CEP63: variants seen among roughly 807,000 people sequenced by gnomAD.
CEP63 encodes the protein centrosomal protein 63.
Under a neutral mutation model 89.1 loss-of-function variants are expected in CEP63, and 84 were observed. The ratio of observed to expected loss-of-function variants is 0.94; its 90% CI spans 0.79 to 1.13. The LOEUF (loss-of-function observed/expected upper bound fraction) is 1.13, where lower values mean the gene tolerates loss of function less well. Among genes scored for constraint, CEP63 ranks in the 50% most tolerant of loss-of-function variants. CEP63 has a pLI of 0.00. For synonymous variants in CEP63, 267 were observed against 272.5 expected (o/e 0.98, Z 0.20); for missense variants, 838 against 813.3 (o/e 1.03, Z -0.37).
intron 10 of CEP63, among the ~76,000 whole-genome samples, chr3:134,584,860 G>A (rs1958444824): frequency 6.6e-6 from 1 of 151,610 alleles, no homozygotes. Flanking sequence ...TCCAGAGCCT[G>A]TTATTGGTCT....
At chr3:134,643,365 C>G in the CEP63 span, 1 of 1,613,896 alleles carries the variant, frequency 6.2e-7, no homozygotes, top group Non-Finnish European at 8.5e-7. Context: ...GGTGCTGCTT[C>G]TCCACCAAGT....
At chr3:134,644,815 C>G in the CEP63 span, among the ~76,000 whole-genome samples, 2 of 152,250 alleles carry the variant, frequency 1.3e-5, no homozygotes, top group African/African-American at 2.4e-5. Context: ...CCTGGAAAGC[C>G]TGCCTCCTCC....
the CEP63 span, among the ~76,000 whole-genome samples, chr3:134,640,550 C>T: frequency 6.6e-6 from 1 of 152,142 alleles, no homozygotes; most frequent in Non-Finnish European, 1.5e-5. Context: ...TCCAAGAAGG[C>T]TTCTCTGGGG....
At chr3:134,700,226 C>T in the CEP63 span, among the ~76,000 whole-genome samples, 7 of 152,270 alleles carry the variant, frequency 4.6e-5, no homozygotes, top group South Asian at 8.3e-4. Flanking sequence ...CCAAACATTG[C>T]GAACATATCC....
the CEP63 span, chr3:134,607,945 C>T: frequency 7.0e-6 from 7 of 996,886 alleles, no homozygotes; most frequent in East Asian, 1.1e-4. Context: ...ACTGTGTCCC[C>T]GCCTCTCCTC....
At chr3:134,765,890 C>G in the CEP63 span, among the ~76,000 whole-genome samples, 5 of 152,156 alleles carry the variant, frequency 3.3e-5, no homozygotes, top group African/African-American at 9.7e-5. Context: ...AAAAGACATA[C>G]TGGGGCATCT....
chr3:134,590,614 A>C (rs534521411), downstream of CEP63, among the ~76,000 whole-genome samples: 1 of 152,362 alleles, frequency 6.6e-6, no homozygotes, highest in East Asian at 1.9e-4. Flanking sequence ...GTCCAAACAC[A>C]GTGCCTAACA....
At chr3:134,485,929 C>G, upstream of CEP63, 4 of 959,028 alleles carry the variant, frequency 4.2e-6, no homozygotes, top group Non-Finnish European at 5.0e-6. Flanking sequence ...AAAACCTAGG[C>G]CGGGGGCGCT....
chr3:134,553,876 G>A (rs1397105462), intron 12 of CEP63, among the ~76,000 whole-genome samples: 1 of 152,070 alleles, frequency 6.6e-6, no homozygotes, highest in African/African-American at 2.4e-5. Flanking sequence ...GAGCAAGTGT[G>A]CATAAAATGG....
intron 3 of CEP63, among the ~76,000 whole-genome samples, chr3:134,513,765 C>G (rs1484044245): frequency 6.6e-6 from 1 of 152,078 alleles, no homozygotes; most frequent in Non-Finnish European, 1.5e-5. Context: ...CTTGAAAAAA[C>G]CACTCAGCTT....
chr3:134,763,901 A>C, the CEP63 span, among the ~76,000 whole-genome samples: 1 of 152,220 alleles, frequency 6.6e-6, no homozygotes, highest in African/African-American at 2.4e-5. Flanking sequence ...ATTTCCCAGC[A>C]TACCACCTCA....
At chr3:134,486,023 C>G (rs1030118292), upstream of CEP63, 1 of 970,492 alleles carries the variant, frequency 1.0e-6, no homozygotes, top group African/African-American at 1.8e-5. Context: ...CACGTGTCTG[C>G]ACTCGCTTTC....
the CEP63 span, among the ~76,000 whole-genome samples, chr3:134,761,427 G>A: frequency 4.2e-4 from 64 of 152,344 alleles, 1 homozygote; most frequent in South Asian, 0.013. Flanking sequence ...CCCGGACACC[G>A]CCTTGGCATT....
chr3:134,701,331 C>T, the CEP63 span, among the ~76,000 whole-genome samples: 43 of 7,994 alleles, frequency 5.4e-3, 3 homozygotes, highest in South Asian at 0.03. Context: ...TATACATATA[C>T]ACACACATAT....
At chr3:134,719,842 G>T in the CEP63 span, among the ~76,000 whole-genome samples, 1 of 152,106 alleles carries the variant, frequency 6.6e-6, no homozygotes, top group African/African-American at 2.4e-5. Context: ...TCATTGCATA[G>T]ATGTATCACA....
At chr3:134,601,805 G>A in the CEP63 span, among the ~76,000 whole-genome samples, 2 of 152,264 alleles carry the variant, frequency 1.3e-5, no homozygotes, top group Non-Finnish European at 2.9e-5. Context: ...CTGGGTGGCA[G>A]TGGGGACTTT....
chr3:134,593,172 A>G, the CEP63 span, among the ~76,000 whole-genome samples: 1 of 152,200 alleles, frequency 6.6e-6, no homozygotes, highest in Non-Finnish European at 1.5e-5. Context: ...GGATTTCTGC[A>G]TTGAAATCAG....
chr3:134,602,252 C>G, the CEP63 span, among the ~76,000 whole-genome samples: 6 of 152,162 alleles, frequency 3.9e-5, no homozygotes, highest in Non-Finnish European at 5.9e-5. Context: ...TCGCCTTTCC[C>G]TCTTATCTGC....
the CEP63 span, among the ~76,000 whole-genome samples, chr3:134,778,214 C>T: frequency 6.6e-6 from 1 of 151,608 alleles, no homozygotes; most frequent in Non-Finnish European, 1.5e-5. Flanking sequence ...TCCCCTGCCT[C>T]AGCTTCCCAA....
Sources: gnomAD v4.1 joint callset for allele counts (sites outside exome capture counted in the v4.1 genomes callset) on GRCh38, gnomAD v4.1.1 for gene constraint, MANE v1.5 for transcripts, NCBI Gene and HGNC (gene_info 2026-07-23, HGNC 2026-07-21) for gene names.